The following KDR variants were observed in gnomAD, a reference collection of about 807,000 sequenced individuals.
KDR encodes the protein vascular endothelial growth factor receptor 2.
KDR carries 43 observed loss-of-function variants against 160.9 expected under a neutral mutation model. The observed-to-expected ratio is 0.27, with a 90% confidence interval of 0.21 to 0.34. The LOEUF is 0.34. Ranked by LOEUF, KDR falls within the 10% of genes least tolerant of loss-of-function variation. The pLI, the probability that KDR is intolerant of heterozygous loss-of-function variation, is 1.00. For synonymous variants in KDR, 617 were observed against 600.1 expected (o/e 1.03, Z -0.41); for missense variants, 1,469 against 1,666.4 (o/e 0.88, Z 2.06).
intron 1 of KDR, among the ~76,000 whole-genome samples, chr4:55,122,005 A>AT (rs1207353349): frequency 3.3e-5 from 5 of 152,106 alleles, no homozygotes; most frequent in Admixed American, 6.5e-5. Context: ...CTCTATTGTA[A>AT]TTCATTAGCA....
Position 55,125,290 on chromosome 4 carries a change from G to T in KDR, c.4C>A (p.Gln2Lys), listed in dbSNP as rs1389000621. 6.2e-7 allele frequency: 1 copy of T among 1,611,858 alleles called. No individual in the cohort carries two copies. Among genetic ancestry groups the T allele is most frequent in the South Asian group, 1.1e-5 (1 of 90,488 alleles). M[Q>K]SKVLLAVALW... ...GCGACGGCCAGCAGCACCTTGCTCT[G>T]CATCCTGCACCTCGAGCCGGGCGAA... The change falls in exon 1 of 30, where the codon CAG becomes AAG. Residue 2 changes from glutamine (Q) to lysine (K), a missense_variant. Coordinates refer to ENST00000263923, the MANE Select transcript of KDR (RefSeq NM_002253.4).
chr4:55,107,251 T>C (rs1720467999), intron 10 of KDR, among the ~76,000 whole-genome samples: 1 of 152,106 alleles, frequency 6.6e-6, no homozygotes, highest in East Asian at 1.9e-4. Context: ...GGTGGTGGGT[T>C]GGCTGCTGTT....
Position 55,118,820 on chromosome 4 carries a change from G to T in KDR, c.162-20C>A. ...TGTCCCCTGAAAAATTAATTTCAGG[G>T]AGGTATTAATATGAAGTGCCAGACT... is the stretch of plus-strand genomic sequence containing the variant. On this transcript the variant is annotated intron_variant, in intron 2 of 29. Transcript: ENST00000263923. 6.2e-7 allele frequency: 1 copy of T among 1,604,670 alleles called. No homozygotes were observed.
chr4:55,087,587 T>C lies in KDR; in HGVS notation c.3662+20A>G. 6.2e-7 allele frequency: 1 copy of C among 1,612,986 alleles called. No homozygotes were observed. Among genetic ancestry groups the C allele is most frequent in the South Asian group, 1.1e-5 (1 of 90,990 alleles). ...CTTGAAGTCACCCTCCCCCGGGGGATGTTAGGCCATATACAGTACCTGATT... is the reference window on the plus strand; with the variant it reads ...CTTGAAGTCACCCTCCCCCGGGGGACGTTAGGCCATATACAGTACCTGATT... On this transcript the variant is annotated intron_variant, in intron 27 of 29. Transcript: ENST00000263923.
chr4:55,103,469 G>T (rs1720365403), intron 13 of KDR, among the ~76,000 whole-genome samples: 1 of 152,192 alleles, frequency 6.6e-6, no homozygotes, highest in African/African-American at 2.4e-5. Flanking sequence ...CTAACTGCGA[G>T]CACATATTTT....
chr4:55,109,899 C>G (rs1477921077), intron 9 of KDR, among the ~76,000 whole-genome samples: 2 of 151,982 alleles, frequency 1.3e-5, no homozygotes. Flanking sequence ...GAACTCCTGT[C>G]AAAAAGGAAA....
chr4:55,102,079 A>C (rs764614467), intron 14 of KDR, 51 bp from the exon 15 acceptor site: 1 of 1,612,248 alleles, frequency 6.2e-7, no homozygotes, highest in South Asian at 1.1e-5. Context: ...GTAGTCTGTG[A>C]AGTTTTTCAG....
At position 55,104,941 on chromosome 4, in the gene KDR, C is replaced by A. The variant is rs1317027204; in HGVS notation, c.1689G>T (p.Glu563Asp). 6.2e-7 allele frequency: 1 copy of A among 1,613,716 alleles called. No homozygotes were observed. The change falls in exon 13 of 30, where the codon GAG becomes GAT. Residue 563 changes from glutamate (E) to aspartate (D), a missense_variant. Physicochemically the swap from Glu to Asp is conservative, Grantham distance 45. Around this residue, in one of 7 missense-constraint regions of KDR, gnomAD observed 792 missense variants for 840.9 expected, o/e 0.94. Coordinates refer to ENST00000263923, the MANE Select transcript of KDR (RefSeq NM_002253.4). ...ITLQPDMQPT[E>D]QESVSLWCTA... is the part of the protein sequence containing the mutation. The stretch of plus-strand genomic sequence containing the variant: ...TGCACCACAAAGACACGCTCTCCTG[C>A]TCAGTGGGCTGCATGTCAGGTTGCA...
chr4:55,081,179 T>C (rs989544233), intron 29 of KDR, among the ~76,000 whole-genome samples: 5 of 152,190 alleles, frequency 3.3e-5, no homozygotes, highest in Non-Finnish European at 7.3e-5. Context: ...CCTTTTAATA[T>C]GTTGGGGTTT....
intron 22 of KDR, 80 bp downstream of exon 22, chr4:55,092,537 C>T (rs1358555146): frequency 9.2e-6 from 9 of 980,406 alleles, no homozygotes; most frequent in Non-Finnish European, 1.5e-5. Context: ...CCCAAACAAG[C>T]ACCAATGGCT....
intron 6 of KDR, among the ~76,000 whole-genome samples, chr4:55,113,903 A>G (rs1377411482): frequency 6.6e-6 from 1 of 152,242 alleles, no homozygotes; most frequent in Non-Finnish European, 1.5e-5. Flanking sequence ...CTATTGCAGA[A>G]TAGGACAAAA....
rs1248902633 is a variant in KDR at position 55,094,827 on chromosome 4, G to A, written c.2946C>T (p.Ser982=). ...CTTCCTCTTCTTCTACATCACTGAG[G>A]GACTTCTCCTCCACAAATCCAGAGC... is the stretch of plus-strand genomic sequence containing the variant. ...SASSGFVEEK[S]LSDVEEEEAP... is the part of the protein sequence containing the mutation. Residue 982 remains serine (S), a synonymous_variant, in exon 21 of 30, where the codon TCC becomes TCT. Coordinates refer to ENST00000263923, the MANE Select transcript of KDR (RefSeq NM_002253.4). 1 of 1,613,870 alleles carries A rather than the reference G, an allele frequency of 6.2e-7. No individual in the cohort carries two copies. Among genetic ancestry groups the A allele is most frequent in the Admixed American group, 1.7e-5 (1 of 60,000 alleles).
At chr4:55,114,368 A>T in intron 5 of KDR, 103 bp from the exon 6 acceptor site, 1 of 1,283,730 alleles carries the variant, frequency 7.8e-7, no homozygotes, top group Non-Finnish European at 1.1e-6. Flanking sequence ...AACATGCCAC[A>T]TTGTTTTTCC....
At chr4:55,119,865 GT>G (rs1311082860) in intron 2 of KDR, among the ~76,000 whole-genome samples, 1 of 152,178 alleles carries the variant, frequency 6.6e-6, no homozygotes, top group Non-Finnish European at 1.5e-5. Context: ...CAAGAAGAAT[GT>G]AACATTATTG....
chr4:55,083,513 A>G (rs1011663300), intron 27 of KDR, among the ~76,000 whole-genome samples: 7 of 152,122 alleles, frequency 4.6e-5, no homozygotes, highest in African/African-American at 1.4e-4. Flanking sequence ...AGTCCAAAGA[A>G]TAAGACTTGT....
chr4:55,119,556 G>T (rs966072830), intron 2 of KDR, among the ~76,000 whole-genome samples: 1 of 152,188 alleles, frequency 6.6e-6, no homozygotes, highest in Non-Finnish European at 1.5e-5. Context: ...AATTTTGCAG[G>T]AGGTGGTCTT....
intron 18 of KDR, chr4:55,096,685 G>A (rs1720165045): frequency 2.8e-6 from 1 of 352,906 alleles, no homozygotes; most frequent in Non-Finnish European, 5.4e-6. Flanking sequence ...TGATTCTGAG[G>A]GTCTGATCAT....
chr4:55,080,310 A>G, intron 29 of KDR, 147 bp from the exon 30 acceptor site: 1 of 729,592 alleles, frequency 1.4e-6, no homozygotes, highest in Non-Finnish European at 2.4e-6. Context: ...TCAGCATAGC[A>G]GGTTTACAGG....
intron 7 of KDR, among the ~76,000 whole-genome samples, 154 bp from the exon 8 acceptor site, chr4:55,110,922 C>CTTCTCCCACACCTCCCGTGT (rs979896726): frequency 6.6e-6 from 1 of 152,144 alleles, no homozygotes; most frequent in African/African-American, 2.4e-5. Context: ...CACTTTTCAG[C>CTTCTCCCACACCTCCCGTGT]TTCTCCCACA....
Sources: allele counts gnomAD v4.1 joint callset (sites outside exome capture counted in the v4.1 genomes callset), GRCh38; gene constraint gnomAD v4.1.1; regional missense constraint gnomAD v4.1.1; transcripts MANE v1.5; gene names NCBI Gene and HGNC (gene_info 2026-07-23, HGNC 2026-07-21).